SGCD: variants seen among roughly 807,000 people sequenced by gnomAD.
SGCD encodes the protein sarcoglycan delta.
A neutral mutation model predicts 36.6 loss-of-function variants in SGCD; 18 were observed. The ratio of observed to expected loss-of-function variants is 0.49; its 90% CI spans 0.34 to 0.73. SGCD has a LOEUF of 0.73. Ranked by LOEUF, SGCD falls within the 30% of genes least tolerant of loss-of-function variation. The probability of loss-of-function intolerance (pLI) is 0.01; values close to 1 mark genes in which losing one functional copy is unlikely to be tolerated. For synonymous variants in SGCD, 133 were observed against 130.6 expected, an observed-to-expected ratio of 1.02 and a Z score of -0.12; for missense variants, 387 against 346.7, an observed-to-expected ratio of 1.12 and a Z score of -0.92.
At chr5:156,164,347 C>T (rs754143520) in intron 3 of SGCD, among the ~76,000 whole-genome samples, 2 of 147,828 alleles carry the variant, frequency 1.4e-5, no homozygotes, top group Non-Finnish European at 1.5e-5. Context: ...TCTTATTCTC[C>T]TTTCATTGGA....
At chr5:156,279,264 A>G (rs1766388686) in intron 3 of SGCD, among the ~76,000 whole-genome samples, 1 of 152,196 alleles carries the variant, frequency 6.6e-6, no homozygotes, top group Admixed American at 6.6e-5. Context: ...TCTGATAAGA[A>G]TGTTCAAAAC....
chr5:156,393,608 T>G (rs1771697024), intron 3 of SGCD: 3 of 409,690 alleles, frequency 7.3e-6, no homozygotes, highest in Middle Eastern at 3.5e-4. Flanking sequence ...AGTGAAGTCA[T>G]GTTAATAGGT....
At chr5:156,281,159 G>T (rs73811577) in intron 3 of SGCD, among the ~76,000 whole-genome samples, 6,950 of 152,158 alleles carry the variant, frequency 0.046, 477 homozygotes, top group African/African-American at 0.15. Flanking sequence ...AAAGTGTTAT[G>T]TTTAAAAATA....
chr5:156,647,268 T>C (rs1166986967), intron 6 of SGCD, among the ~76,000 whole-genome samples, 196 bp from the exon 7 acceptor site: 1 of 152,180 alleles, frequency 6.6e-6, no homozygotes. Context: ...CAAAAGAAGT[T>C]CCTTGTTTTT....
intron 1 of SGCD, among the ~76,000 whole-genome samples, chr5:156,085,408 CA>C (rs2127592646): frequency 6.6e-6 from 1 of 152,170 alleles, no homozygotes; most frequent in African/African-American, 2.4e-5. Context: ...CACCTCTCCC[CA>C]CTCCCCTCTC....
intron 1 of SGCD, among the ~76,000 whole-genome samples, chr5:155,911,564 G>T (rs1044954662): frequency 5.3e-5 from 8 of 151,886 alleles, no homozygotes; most frequent in African/African-American, 1.9e-4. Context: ...TGTTTGAACT[G>T]CTTCTCCATC....
intron 1 of SGCD, among the ~76,000 whole-genome samples, chr5:155,993,337 C>CTTTTTTTTT (rs34221751): frequency 1.1e-4 from 13 of 114,536 alleles, no homozygotes; most frequent in African/African-American, 4.2e-4. Context: ...ATCTGGGGTC[C>CTTTTTTTTT]TTTTTTTTTT....
chr5:156,047,726 A>G (rs1759807831), intron 1 of SGCD, among the ~76,000 whole-genome samples: 3 of 152,176 alleles, frequency 2.0e-5, no homozygotes, highest in Admixed American at 2.0e-4. Context: ...GGAAATTTAC[A>G]AGGAAATGAA....
At chr5:156,143,810 A>G (rs1025137608) in intron 3 of SGCD, among the ~76,000 whole-genome samples, 17 of 151,856 alleles carry the variant, frequency 1.1e-4, no homozygotes, top group African/African-American at 3.6e-4. Flanking sequence ...ATATGTATAC[A>G]TGTGCCATGT....
At chr5:156,103,893 A>G (rs540176626) in intron 1 of SGCD, among the ~76,000 whole-genome samples, 1 of 152,126 alleles carries the variant, frequency 6.6e-6, no homozygotes, top group Non-Finnish European at 1.5e-5. Context: ...TTTTCATTAC[A>G]TATTAATATG....
intron 3 of SGCD, among the ~76,000 whole-genome samples, chr5:156,425,041 T>A (rs1296600491): frequency 2.0e-5 from 3 of 152,042 alleles, no homozygotes; most frequent in East Asian, 3.8e-4. Context: ...GCCATTTTTA[T>A]CCTTTCTGAG....
Position 156,275,806 on chromosome 5 carries a change from G to T in SGCD, c.-43-53728G>T, listed in dbSNP as rs376093204. Among the ~76,000 whole-genome samples, 147 of 152,138 alleles carry T rather than the reference G, an allele frequency of 9.7e-4. 2 individuals are homozygous for T. The highest frequency in any genetic ancestry group is 3.4e-3 in the African/African-American group (140 of 41,498). On this transcript the variant is annotated intron_variant, in intron 3 of 9. Coordinates refer to the SGCD transcript ENST00000517913. ...TATGCTATCATTGAGGGGCCATATT[G>T]GTTCAGTAAGTGGCTTGACATGTAA... is the stretch of plus-strand genomic sequence containing the variant.
intron 3 of SGCD, among the ~76,000 whole-genome samples, chr5:156,441,241 G>A (rs541988650): frequency 2.2e-4 from 34 of 152,084 alleles, no homozygotes; most frequent in African/African-American, 7.0e-4. Context: ...TCTAACAAGC[G>A]TAATACATTG....
At chr5:156,319,759 T>C (rs1561617623) in intron 3 of SGCD, among the ~76,000 whole-genome samples, 1 of 152,190 alleles carries the variant, frequency 6.6e-6, no homozygotes. Flanking sequence ...ACGTCTTCTT[T>C]TCAGTTTTCA....
At chr5:156,111,136 C>T (rs1269765111) in intron 1 of SGCD, among the ~76,000 whole-genome samples, 4 of 152,130 alleles carry the variant, frequency 2.6e-5, no homozygotes, top group Non-Finnish European at 4.4e-5. Context: ...CAGAGAAAGT[C>T]GCAAATTACC....
the SGCD span, among the ~76,000 whole-genome samples, chr5:155,780,738 A>G: frequency 6.6e-6 from 1 of 152,216 alleles, no homozygotes; most frequent in Non-Finnish European, 1.5e-5. Context: ...ATTAAAATTG[A>G]TTTCTAGCAG....
At chr5:156,111,926 G>A (rs770306127) in intron 1 of SGCD, among the ~76,000 whole-genome samples, 19 of 152,040 alleles carry the variant, frequency 1.2e-4, no homozygotes, top group Middle Eastern at 3.4e-3. Flanking sequence ...CTACAGGCAC[G>A]TGCTGCCATG....
intron 1 of SGCD, among the ~76,000 whole-genome samples, chr5:156,055,304 A>T (rs1451175685): frequency 6.8e-6 from 1 of 146,050 alleles, no homozygotes; most frequent in Non-Finnish European, 1.5e-5. Flanking sequence ...TTAAGCTGTG[A>T]CTTATGTCTT....
intron 1 of SGCD, among the ~76,000 whole-genome samples, chr5:156,068,893 A>G (rs1760434755): frequency 6.6e-6 from 1 of 151,768 alleles, no homozygotes; most frequent in Non-Finnish European, 1.5e-5. Flanking sequence ...GCATTTTTTC[A>G]TGTGTTTTTT....
Sources: allele counts gnomAD v4.1 joint callset (sites outside exome capture counted in the v4.1 genomes callset), GRCh38; gene constraint gnomAD v4.1.1; transcripts MANE v1.5; gene names NCBI Gene and HGNC (gene_info 2026-07-23, HGNC 2026-07-21).